AGBL1: variants seen among roughly 807,000 people sequenced by gnomAD.
AGBL1 encodes the protein AGBL carboxypeptidase 1, also known as cytosolic carboxypeptidase 4.
In AGBL1, 130 loss-of-function variants were observed where a neutral mutation model predicts 118.9. The observed-to-expected ratio is 1.09, with a 90% CI of 0.95 to 1.26. The LOEUF is 1.26. AGBL1 is among the 50% of genes most tolerant of loss of function. The pLI, the probability that AGBL1 is intolerant of heterozygous loss-of-function variation, is 0.00. For missense variants in AGBL1, 1,584 were observed against 1,298.1 expected (o/e 1.22, Z -3.38); for synonymous variants, 555 against 478.9 (o/e 1.16, Z -2.08).
chr15:86,893,637 C>A lies in AGBL1; in HGVS notation c.3159-13450C>A, dbSNP rs533347707. On this transcript the variant is annotated intron_variant, in intron 22 of 22. Transcript: ENST00000614907. ...GCAAGGGATAGAGTCTTCTTAATGG[C>A]TTTGCTTAGAGATTGTCTGAAAGCT... is the stretch of plus-strand genomic sequence containing the variant. Among the ~76,000 whole-genome samples the A allele has an allele frequency of 2.4e-4, 36 of 152,236 alleles. No homozygotes were observed. In the South Asian group the frequency reaches 6.6e-3, roughly 28 times the overall value.
chr15:86,718,629 A>G (rs2086672668), intron 22 of AGBL1, among the ~76,000 whole-genome samples: 1 of 152,138 alleles, frequency 6.6e-6, no homozygotes, highest in Admixed American at 6.5e-5. Flanking sequence ...CCCCAAACCA[A>G]GGGGAGATGG....
chr15:86,900,758 G>A (rs1453493497), intron 22 of AGBL1, among the ~76,000 whole-genome samples: 5 of 151,608 alleles, frequency 3.3e-5, no homozygotes, highest in Non-Finnish European at 7.4e-5. Flanking sequence ...CTGATAAGAT[G>A]TTGAATATCT....
chr15:86,732,297 C>T (rs1046066548), intron 22 of AGBL1, among the ~76,000 whole-genome samples: 9 of 152,086 alleles, frequency 5.9e-5, no homozygotes, highest in Non-Finnish European at 2.9e-5. Flanking sequence ...TGTTTTCCAG[C>T]GTTATAGGTT....
rs555413419 is a variant in AGBL1, at chr15:86,683,912, CT to C, written c.3158+9479del. On this transcript the variant is annotated intron_variant, in intron 22 of 22. Coordinates refer to ENST00000614907, the MANE Select transcript of AGBL1 (RefSeq NM_001386094.1). ...TTTCATTAATTTTACATCATTACCG[CT>C]TTCTCTTCTTTCTATCTAATTCTTA... Among the ~76,000 whole-genome samples the C allele has an allele frequency of 1.4e-4, 21 of 152,304 alleles. No individual in the cohort carries two copies. In the East Asian group the frequency reaches 3.9e-3, roughly 28 times the overall value.
intron 23 of AGBL1, among the ~76,000 whole-genome samples, chr15:86,925,486 A>G (rs940587342): frequency 6.6e-6 from 1 of 152,038 alleles, no homozygotes; most frequent in Non-Finnish European, 1.5e-5. Context: ...TATTAATAAC[A>G]CCAGTCCTAA....
At chr15:86,200,550 A>AC (rs60352336) in intron 5 of AGBL1, among the ~76,000 whole-genome samples, 2,144 of 71,974 alleles carry the variant, frequency 0.03, 60 homozygotes, top group Non-Finnish European at 0.043. Flanking sequence ...ATAGACCCCT[A>AC]CCCCCCCCCC....
chr15:86,236,608 C>G (rs1433412434), intron 6 of AGBL1, among the ~76,000 whole-genome samples: 1 of 151,828 alleles, frequency 6.6e-6, no homozygotes, highest in Non-Finnish European at 1.5e-5. Context: ...TCCTTAGTCT[C>G]GGGCCGAATT....
At chr15:86,436,435 T>C (rs1299299781) in intron 18 of AGBL1, among the ~76,000 whole-genome samples, 1 of 152,128 alleles carries the variant, frequency 6.6e-6, no homozygotes, top group East Asian at 1.9e-4. Context: ...CTGTTGGGTG[T>C]ATGGGAACAA....
At chr15:86,664,999 C>T in intron 21 of AGBL1, among the ~76,000 whole-genome samples, 1 of 152,076 alleles carries the variant, frequency 6.6e-6, no homozygotes, top group East Asian at 1.9e-4. Context: ...CATGCAACCT[C>T]ATCGCGCATT....
chr15:86,722,383 T>C lies in AGBL1; in HGVS notation c.3158+47947T>C, dbSNP rs1193663223. Among the ~76,000 whole-genome samples the C allele has an allele frequency of 6.7e-4, 102 of 152,056 alleles. 1 individual carries two copies. The highest frequency in any genetic ancestry group is 1.1e-3 in the Non-Finnish European group (74 of 67,926). On this transcript the variant is annotated intron_variant, in intron 22 of 22. Coordinates refer to ENST00000614907, the MANE Select transcript of AGBL1 (RefSeq NM_001386094.1). Reference sequence around the variant, plus strand: ...CTACAACCATCTGATCTTTGACAAATCTGAGAAAAACAAGCAATGGGGAAA... The same window carrying C: ...CTACAACCATCTGATCTTTGACAAACCTGAGAAAAACAAGCAATGGGGAAA...
intron 21 of AGBL1, among the ~76,000 whole-genome samples, chr15:86,564,339 C>A (rs4432242): frequency 0.5 from 76,181 of 151,668 alleles, 19,820 homozygotes; most frequent in East Asian, 0.76. Context: ...GTGACACAAT[C>A]TCTCAGCATT....
intron 18 of AGBL1, among the ~76,000 whole-genome samples, chr15:86,445,681 A>AT (rs1596124377): frequency 1.3e-5 from 2 of 152,044 alleles, no homozygotes; most frequent in African/African-American, 4.8e-5. Context: ...TCTGTGGATG[A>AT]TTTTTCCCTC....
intron 24 of AGBL1, among the ~76,000 whole-genome samples, chr15:87,006,865 T>C (rs533578208): frequency 6.7e-4 from 102 of 152,132 alleles, no homozygotes; most frequent in African/African-American, 2.4e-3. Flanking sequence ...CTGAGAAGAA[T>C]GGAATGAGAG....
At chr15:86,622,894 A>T (rs915229138) in intron 21 of AGBL1, among the ~76,000 whole-genome samples, 24 of 152,180 alleles carry the variant, frequency 1.6e-4, no homozygotes, top group African/African-American at 5.6e-4. Context: ...CTGTAACTAG[A>T]CAGTCCCGTC....
At chr15:86,196,905 A>G (rs1217554257) in intron 5 of AGBL1, among the ~76,000 whole-genome samples, 41 of 151,494 alleles carry the variant, frequency 2.7e-4, no homozygotes, top group African/African-American at 8.5e-4. Flanking sequence ...ACACACACAC[A>G]CACACACACA....
intron 22 of AGBL1, among the ~76,000 whole-genome samples, chr15:86,811,475 A>T (rs1217588555): frequency 6.6e-6 from 1 of 152,146 alleles, no homozygotes; most frequent in Non-Finnish European, 1.5e-5. Flanking sequence ...TTAAAAGTAA[A>T]AACAATTCTC....
At chr15:86,099,810 C>G (rs1896604197) in intron 1 of AGBL1, among the ~76,000 whole-genome samples, 1 of 151,974 alleles carries the variant, frequency 6.6e-6, no homozygotes, top group Admixed American at 6.6e-5. Context: ...ATGCCTGGTT[C>G]CAATTAGATG....
intron 21 of AGBL1, among the ~76,000 whole-genome samples, chr15:86,579,403 T>G (rs2142328329): frequency 6.6e-6 from 1 of 152,362 alleles, no homozygotes; most frequent in African/African-American, 2.4e-5. Context: ...ATGTGAATTA[T>G]GACTGTTAAA....
At chr15:86,219,568 T>G (rs1174756174) in intron 5 of AGBL1, among the ~76,000 whole-genome samples, 1 of 151,944 alleles carries the variant, frequency 6.6e-6, no homozygotes, top group African/African-American at 2.4e-5. Context: ...TAATTCCTAA[T>G]TTAGCAACTC....
Sources: allele counts gnomAD v4.1 joint callset (sites outside exome capture counted in the v4.1 genomes callset), GRCh38; gene constraint gnomAD v4.1.1; transcripts MANE v1.5; gene names NCBI Gene and HGNC (gene_info 2026-07-23, HGNC 2026-07-21).